Variants in LIN37 observed in about 807,000 individuals in gnomAD.
The protein encoded by LIN37 is lin-37 DREAM MuvB core complex component, also known as protein lin-37 homolog.
In LIN37, 21 loss-of-function variants were observed where a neutral mutation model predicts 38.0. The ratio of observed to expected loss-of-function variants is 0.55; its 90% confidence interval spans 0.39 to 0.80. LIN37 has a LOEUF of 0.80. Among genes scored for constraint, LIN37 ranks in the 30% least tolerant of loss-of-function variants. The probability of loss-of-function intolerance (pLI) is 0.00; values close to 1 mark genes in which losing one functional copy is unlikely to be tolerated. For synonymous variants in LIN37, 126 were observed against 122.9 expected, an observed-to-expected ratio of 1.03 and a Z score of -0.17; for missense variants, 273 against 338.5, an observed-to-expected ratio of 0.81 and a Z score of 1.52.
intron 1 of LIN37, among the ~76,000 whole-genome samples, chr19:35,750,603 A>T (rs1970667674): frequency 6.6e-6 from 1 of 152,206 alleles, no homozygotes; most frequent in South Asian, 2.1e-4. Context: ...ACTGGGCAGG[A>T]AGGTGGGCCT....
At chr19:35,751,983 T>C in intron 1 of LIN37, 193 bp from the exon 2 acceptor site, 2 of 542,458 alleles carry the variant, frequency 3.7e-6, no homozygotes, top group South Asian at 4.8e-5. Flanking sequence ...AGCAATCACG[T>C]GGGACAGCTC....
chr19:35,748,716 A>T lies in LIN37; in HGVS notation c.-9A>T, dbSNP rs1171557684. The T allele has an allele frequency of 1.2e-5, 19 of 1,613,868 alleles. No individual in the cohort carries two copies. Among genetic ancestry groups the T allele is most frequent in the Non-Finnish European group, 1.6e-5 (19 of 1,179,800 alleles). Reference sequence around the variant, plus strand: ...TCTGACCCAGCTAGCCAGATCCCGGACCCAAACCATGTTCCCTGTGAAGGT... The same window carrying T: ...TCTGACCCAGCTAGCCAGATCCCGGTCCCAAACCATGTTCCCTGTGAAGGT... On this transcript the variant is annotated 5_prime_UTR_variant, in exon 1 of 9. Transcript: ENST00000301159.
At position 35,753,142 on chromosome 19, in the gene LIN37, G is replaced by A; in HGVS notation, c.333G>A (p.Glu111=). 6.2e-7 allele frequency: 1 copy of A among 1,600,790 alleles called. No homozygotes were observed. Among genetic ancestry groups the A allele is most frequent in the Non-Finnish European group, 8.5e-7 (1 of 1,173,948 alleles). The change falls in exon 6 of 9, where the codon GAG becomes GAA. Residue 111 remains glutamate (E), a synonymous_variant. Coordinates refer to ENST00000301159, the MANE Select transcript of LIN37 (RefSeq NM_019104.3). The part of the protein sequence containing the change: ...DRSVDLAQFS[E]NTPLYPICRA... ...GCGTGGACTTGGCCCAGTTCAGCGA[G>A]AACACGCCACTGTACCCAATCTGCC...
chr19:35,753,555 T>C (rs1025057511), intron 6 of LIN37: 5 of 538,828 alleles, frequency 9.3e-6, no homozygotes, highest in Admixed American at 3.1e-5. Flanking sequence ...GGGTCCTTAG[T>C]ACAGACAGAA....
rs972941881 is a variant in LIN37 at position 35,752,965 on chromosome 19, T to C, written c.243T>C (p.Asp81=). The C allele has an allele frequency of 6.4e-7, 1 of 1,572,570 alleles. No individual in the cohort carries two copies. ...GGAGGAAGAAGAGGAGGGAGATGGATGATGGGCTGGCTGAGGGAGGGCCGC... is the reference window on the plus strand; with the variant it reads ...GGAGGAAGAAGAGGAGGGAGATGGACGATGGGCTGGCTGAGGGAGGGCCGC... ...HQRRKKRREM[D]DGLAEGGPQR... is the part of the protein sequence containing the mutation. Residue 81 remains aspartate (D), a synonymous_variant, in exon 5 of 9, where the codon GAT becomes GAC. Transcript: ENST00000301159.
At chr19:35,749,131 G>T in intron 1 of LIN37, 2 of 407,128 alleles carry the variant, frequency 4.9e-6, no homozygotes, top group Non-Finnish European at 6.9e-6. Context: ...GGTCTCAAGC[G>T]ATCCTCCCGC....
chr19:35,752,740 C>A, intron 3 of LIN37, 64 bp from the exon 4 acceptor site: 1 of 1,575,176 alleles, frequency 6.3e-7, no homozygotes, highest in African/African-American at 1.3e-5. Flanking sequence ...CCAGTATCCC[C>A]AGGGTGCCCT....
chr19:35,749,199 TTC>T (rs1434510320), intron 1 of LIN37, among the ~76,000 whole-genome samples: 1 of 151,700 alleles, frequency 6.6e-6, no homozygotes, highest in African/African-American at 2.4e-5. Context: ...AGCCGAGAAG[TTC>T]TCTTTTCTTG....
chr19:35,752,679 CA>C, intron 3 of LIN37, 124 bp from the exon 4 acceptor site: 4 of 1,393,750 alleles, frequency 2.9e-6, no homozygotes, highest in African/African-American at 1.4e-5. Context: ...ATGGGTGGGA[CA>C]AAAGGCCCAA....
At chr19:35,748,975 T>C in intron 1 of LIN37, 2 of 1,417,616 alleles carry the variant, frequency 1.4e-6, no homozygotes, top group Non-Finnish European at 1.8e-6. Context: ...GCTCGGGCAA[T>C]GACGTGCGTG....
At chr19:35,752,079 C>T in intron 1 of LIN37, 97 bp from the exon 2 acceptor site, 1 of 903,738 alleles carries the variant, frequency 1.1e-6, no homozygotes. Context: ...TGAGATTGGC[C>T]AGGGCAGAGG....
chr19:35,752,327 C>T (rs1970690242), intron 2 of LIN37, 76 bp downstream of exon 2: 1 of 1,573,586 alleles, frequency 6.4e-7, no homozygotes, highest in African/African-American at 1.4e-5. Context: ...TTGGGTGGGA[C>T]CCCACAGGCT....
intron 4 of LIN37, 31 bp downstream of exon 4, chr19:35,752,864 A>G (rs1488204810): frequency 6.2e-7 from 1 of 1,600,182 alleles, no homozygotes; most frequent in Non-Finnish European, 8.5e-7. Flanking sequence ...CCAGCTGACT[A>G]GAGGCTCCCA....
Position 35,752,773 on chromosome 19 carries a change from T to C in LIN37, c.162-31T>C, listed in dbSNP as rs889162336. 5 of 1,606,354 alleles carry C rather than the reference T, an allele frequency of 3.1e-6. No homozygotes were observed. The African/African-American group carries it at 6.7e-5, about 21-fold the overall frequency. On this transcript the variant is annotated intron_variant, in intron 3 of 8. Coordinates refer to ENST00000301159, the MANE Select transcript of LIN37 (RefSeq NM_019104.3). Reference sequence around the variant, plus strand: ...CCTCTGCAGGGTTTTGCACAGGCGTTTGTCTGAGGGTCAACTGTCTTTCCC... The same window carrying C: ...CCTCTGCAGGGTTTTGCACAGGCGTCTGTCTGAGGGTCAACTGTCTTTCCC...
Position 35,752,422 on chromosome 19 carries a change from T to C in LIN37, c.111-12T>C. 1 of 1,613,736 alleles carries C rather than the reference T, an allele frequency of 6.2e-7. No homozygotes were observed. The highest frequency in any genetic ancestry group is 1.3e-5 in the African/African-American group (1 of 75,040). On this transcript the variant is annotated splice_polypyrimidine_tract_variant and intron_variant, in intron 2 of 8. Transcript: ENST00000301159. The stretch of plus-strand genomic sequence containing the variant: ...CTGGAACCCTGAGCTGAGAGATCTC[T>C]TCTGCCTCTAGGGAGCGTCTGGATG...
At chr19:35,749,702 G>T (rs1301896341) in intron 1 of LIN37, among the ~76,000 whole-genome samples, 1 of 151,730 alleles carries the variant, frequency 6.6e-6, no homozygotes, top group Non-Finnish European at 1.5e-5. Flanking sequence ...CTACTCAGGA[G>T]GCTGAGGCAG....
chr19:35,748,715 G>A lies in LIN37; in HGVS notation c.-10G>A. On this transcript the variant is annotated 5_prime_UTR_variant, in exon 1 of 9. Transcript: ENST00000301159. ...CTCTGACCCAGCTAGCCAGATCCCGGACCCAAACCATGTTCCCTGTGAAGG... is the reference window on the plus strand; with the variant it reads ...CTCTGACCCAGCTAGCCAGATCCCGAACCCAAACCATGTTCCCTGTGAAGG... The A allele has an allele frequency of 6.2e-7, 1 of 1,613,850 alleles. No individual in the cohort carries two copies. Among genetic ancestry groups the A allele is most frequent in the South Asian group, 1.1e-5 (1 of 91,046 alleles).
intron 1 of LIN37, among the ~76,000 whole-genome samples, chr19:35,750,635 A>C (rs938942456): frequency 6.6e-6 from 1 of 151,870 alleles, no homozygotes; most frequent in Non-Finnish European, 1.5e-5. Flanking sequence ...CCCGAGGGGG[A>C]AAAAAAAGCC....
At chr19:35,753,064 A>G in intron 5 of LIN37, 23 bp from the exon 6 acceptor site, 1 of 1,597,448 alleles carries the variant, frequency 6.3e-7, no homozygotes, top group Non-Finnish European at 8.5e-7. Flanking sequence ...ATGCTCACAC[A>G]CCTCCCATCC....
Sources: gnomAD v4.1 joint callset for allele counts (sites outside exome capture counted in the v4.1 genomes callset) on GRCh38, gnomAD v4.1.1 for gene constraint, MANE v1.5 for transcripts, NCBI Gene and HGNC (gene_info 2026-07-23, HGNC 2026-07-21) for gene names.